The following SEC16B variants were observed in gnomAD, a reference collection of about 807,000 sequenced individuals.
SEC16B encodes the protein SEC16 homolog B, endoplasmic reticulum export factor, also known as protein transport protein Sec16B.
In SEC16B, 115 loss-of-function variants were observed where a neutral mutation model predicts 141.8. The ratio of observed to expected loss-of-function variants is 0.81; its 90% CI spans 0.70 to 0.95. SEC16B has a LOEUF of 0.95. SEC16B is among the 40% of genes least tolerant of loss of function. The probability of loss-of-function intolerance (pLI) is 0.00; values close to 1 mark genes in which losing one functional copy is unlikely to be tolerated. For missense variants in SEC16B, 1,291 were observed against 1,312.3 expected (o/e 0.98, Z 0.25); for synonymous variants, 493 against 492.5 (o/e 1.00, Z -0.01).
At chr1:177,942,974 C>T (rs1175145464) in intron 15 of SEC16B, among the ~76,000 whole-genome samples, 13 of 152,156 alleles carry the variant, frequency 8.5e-5, no homozygotes. Context: ...TGAGAACAAA[C>T]CGCATGCAAG....
chr1:177,937,893 C>A (rs1353850742), intron 18 of SEC16B, among the ~76,000 whole-genome samples: 1 of 152,070 alleles, frequency 6.6e-6, no homozygotes, highest in Non-Finnish European at 1.5e-5. Context: ...GCAGTTTAGA[C>A]ACAACTGACC....
Position 177,954,386 on chromosome 1 carries a change from A to T in SEC16B, c.1366-10T>A, listed in dbSNP as rs764987190. ...CCCACTCCAAGGCTTCCTGAAAACC[A>T]AAACATCACATTCAAGAGTGCCTTT... On this transcript the variant is annotated splice_polypyrimidine_tract_variant and intron_variant, in intron 10 of 25. Coordinates refer to ENST00000308284, the MANE Select transcript of SEC16B (RefSeq NM_033127.4). 1.2e-5 allele frequency: 19 copies of T among 1,561,778 alleles called. No individual in the cohort carries two copies. The South Asian group carries it at 2.2e-4, about 18-fold the overall frequency.
chr1:177,959,385 A>G (rs1258948381), intron 8 of SEC16B: 1 of 220,636 alleles, frequency 4.5e-6, no homozygotes, highest in Non-Finnish European at 9.2e-6. Context: ...CCTCCATACA[A>G]AAAGGAATTA....
At position 177,960,922 on chromosome 1, in the gene SEC16B, G is replaced by A; in HGVS notation, c.805C>T (p.Pro269Ser). ...ATGTAGAACTTCATGGGTGCTTTGG[G>A]ACCAGCTGAGGAGACATCTTCTGAC... ...PVQADVSSAGPKAPMKFYIPH... is the reference protein window; with the variant it reads ...PVQADVSSAGSKAPMKFYIPH... Residue 269 changes from proline (P) to serine (S), a missense_variant, in exon 7 of 26, where the codon CCC becomes TCC. By Grantham distance (74) the Pro-to-Ser change is moderately conservative (BLOSUM62 -1). This residue lies in a region of SEC16B where 681 missense variants were observed against 675.5 expected (regional missense o/e 1.01). Transcript: ENST00000308284. 1 of 1,613,898 alleles carries A rather than the reference G, an allele frequency of 6.2e-7. No homozygotes were observed. The highest frequency in any genetic ancestry group is 8.5e-7 in the Non-Finnish European group (1 of 1,179,838).
At chr1:177,964,937 G>A (rs1242289749) in intron 4 of SEC16B, 110 bp downstream of exon 4, 1 of 1,313,152 alleles carries the variant, frequency 7.6e-7, no homozygotes. Context: ...TACAACAAAG[G>A]TACATGGGCT....
chr1:177,961,554 G>T, intron 6 of SEC16B, 36 bp downstream of exon 6: 1 of 1,578,850 alleles, frequency 6.3e-7, no homozygotes, highest in Non-Finnish European at 8.6e-7. Context: ...TTCCACATCA[G>T]ATTCAATCAA....
At chr1:177,935,383 A>G (rs1650758583) in intron 20 of SEC16B, among the ~76,000 whole-genome samples, 1 of 152,196 alleles carries the variant, frequency 6.6e-6, no homozygotes, top group South Asian at 2.1e-4. Flanking sequence ...GCCAATATTA[A>G]AAATCATATT....
intron 20 of SEC16B, among the ~76,000 whole-genome samples, chr1:177,934,869 C>T (rs1054905368): frequency 4.6e-5 from 7 of 152,062 alleles, no homozygotes; most frequent in Middle Eastern, 3.2e-3. Context: ...CAATGATTAA[C>T]GACAACATGG....
In SEC16B at chr1:177,940,675, C is replaced by T. The variant is rs1363672309; in HGVS notation, c.2062G>A (p.Glu688Lys). The T allele has an allele frequency of 1.2e-6, 2 of 1,613,928 alleles. No homozygotes were observed. The highest frequency in any genetic ancestry group is 3.3e-5 in the Admixed American group (2 of 60,028). Residue 688 changes from glutamate (E) to lysine (K), a missense_variant, in exon 17 of 26, where the codon GAA becomes AAA. By Grantham distance (56) the Glu-to-Lys change is moderately conservative. Around this residue, in one of 3 missense-constraint regions of SEC16B, gnomAD observed 605 missense variants for 614.1 expected, o/e 0.99. Transcript: ENST00000308284. The stretch of plus-strand genomic sequence containing the variant: ...AGGTCCCTGTCTCCACTGCGTCTTT[C>T]TAAAACCAGAGGATCTGACAGCTTC... The part of the protein sequence containing the change: ...KLKLSDPLVL[E>K]RRSGDRDLEP...
intron 17 of SEC16B, 118 bp downstream of exon 17, chr1:177,940,492 G>T: frequency 1.5e-6 from 1 of 676,890 alleles, no homozygotes; most frequent in Non-Finnish European, 2.6e-6. Context: ...GAGAGACCAG[G>T]GTGAGGCATG....
At chr1:177,958,526 A>G (rs1192153181) in intron 9 of SEC16B, 164 bp from the exon 10 acceptor site, 3 of 609,344 alleles carry the variant, frequency 4.9e-6, no homozygotes, top group Middle Eastern at 8.1e-4. Flanking sequence ...AGACTTCAGC[A>G]TCACTATCAT....
intron 5 of SEC16B, 81 bp downstream of exon 5, chr1:177,964,090 A>G (rs1571346439): frequency 1.0e-6 from 1 of 979,904 alleles, no homozygotes; most frequent in Non-Finnish European, 1.5e-6. Flanking sequence ...TCCATCCCCA[A>G]GGGCCCTGTT....
intron 12 of SEC16B, among the ~76,000 whole-genome samples, chr1:177,950,063 C>A (rs1420017790): frequency 6.6e-6 from 1 of 151,834 alleles, no homozygotes; most frequent in African/African-American, 2.4e-5. Flanking sequence ...GAGGCACACT[C>A]TGTGCTACAA....
chr1:177,929,931 T>C lies in SEC16B; in HGVS notation c.3112-2A>G, dbSNP rs1165393540. 6.8e-6 allele frequency: 11 copies of C among 1,613,518 alleles called. No individual in the cohort carries two copies. The Admixed American group carries it at 1.2e-4, about 17-fold the overall frequency. On this transcript the variant is annotated splice_acceptor_variant, in intron 25 of 25. Coordinates refer to ENST00000308284, the MANE Select transcript of SEC16B (RefSeq NM_033127.4). LOFTEE classifies it high-confidence loss of function. ...ATTCAGGCTAGTGGCCGTGGGCAGC[T>C]GGAAAAGAAGAACAAATATTACACT...
intron 12 of SEC16B, among the ~76,000 whole-genome samples, chr1:177,949,938 T>A (rs1652038587): frequency 9.8e-6 from 1 of 101,918 alleles, no homozygotes. Flanking sequence ...TTAAGCTAAC[T>A]CTACTATTAC....
chr1:177,974,133 T>A (rs199616666), upstream of SEC16B, among the ~76,000 whole-genome samples: 2 of 149,800 alleles, frequency 1.3e-5, no homozygotes, highest in South Asian at 4.2e-4. Context: ...CTTTTTTTTT[T>A]ATTTTGGCTA....
At chr1:177,965,225 T>C in intron 3 of SEC16B, 58 bp from the exon 4 acceptor site, 1 of 1,594,114 alleles carries the variant, frequency 6.3e-7, no homozygotes, top group East Asian at 2.2e-5. Flanking sequence ...TGAAAGTTCT[T>C]AGAAAGATAT....
At chr1:177,943,282 T>TA (rs1431631793) in intron 15 of SEC16B, among the ~76,000 whole-genome samples, 1 of 152,114 alleles carries the variant, frequency 6.6e-6, no homozygotes, top group Non-Finnish European at 1.5e-5. Context: ...GCAAAGCCCT[T>TA]AAAAAAGAGA....
chr1:177,936,783 G>A (rs537061817), intron 19 of SEC16B, among the ~76,000 whole-genome samples: 10 of 152,290 alleles, frequency 6.6e-5, no homozygotes, highest in South Asian at 2.1e-4. Context: ...CCTTGTTGTC[G>A]AAGGTCTGAT....
Sources: allele counts gnomAD v4.1 joint callset (sites outside exome capture counted in the v4.1 genomes callset), GRCh38; gene constraint gnomAD v4.1.1; regional missense constraint gnomAD v4.1.1; transcripts MANE v1.5; gene names NCBI Gene and HGNC (gene_info 2026-07-23, HGNC 2026-07-21).